Variants in GJC1 observed in about 807,000 individuals in gnomAD.
GJC1 encodes gap junction protein gamma 1, also known as gap junction gamma-1 protein.
In GJC1, 5 loss-of-function variants were observed where a neutral mutation model predicts 29.3. The observed-to-expected ratio is 0.17, with a 90% CI of 0.09 to 0.36. GJC1 has a LOEUF of 0.36. Among genes scored for constraint, GJC1 ranks in the 10% least tolerant of loss-of-function variants. GJC1 has a pLI of 1.00. For missense variants in GJC1, 310 were observed against 496.2 expected, an observed-to-expected ratio of 0.62 and a Z score of 3.56; for synonymous variants, 177 against 183.3, an observed-to-expected ratio of 0.97 and a Z score of 0.28.
chr17:44,825,668 G>C (rs940409734), intron 1 of GJC1, among the ~76,000 whole-genome samples: 2 of 151,806 alleles, frequency 1.3e-5, no homozygotes, highest in South Asian at 2.1e-4. Context: ...CCAGCTTCTC[G>C]CAAGGCTGAG....
At chr17:44,820,154 G>A (rs1254257277) in intron 1 of GJC1, among the ~76,000 whole-genome samples, 1 of 151,992 alleles carries the variant, frequency 6.6e-6, no homozygotes, top group Non-Finnish European at 1.5e-5. Flanking sequence ...TAGAAACAGG[G>A]TTTCACTTTG....
intron 1 of GJC1, among the ~76,000 whole-genome samples, chr17:44,822,419 A>G (rs1407593464): frequency 1.3e-5 from 2 of 151,578 alleles, no homozygotes; most frequent in Non-Finnish European, 2.9e-5. Context: ...AGGCGGGTGG[A>G]TCACCTGAGG....
chr17:44,825,423 T>C (rs1377763302), intron 1 of GJC1, among the ~76,000 whole-genome samples: 1 of 151,004 alleles, frequency 6.6e-6, no homozygotes, highest in African/African-American at 2.4e-5. Flanking sequence ...GGGGCAGAGG[T>C]TGCGGTGAGC....
chr17:44,812,130 T>C (rs956554499), intron 1 of GJC1, among the ~76,000 whole-genome samples: 4 of 151,464 alleles, frequency 2.6e-5, no homozygotes, highest in African/African-American at 9.7e-5. Context: ...CTGGCCAACA[T>C]GATGAAACCC....
intron 1 of GJC1, among the ~76,000 whole-genome samples, chr17:44,822,981 T>C (rs1294619188): frequency 1.3e-5 from 2 of 152,136 alleles, no homozygotes. Context: ...AGTCCAAGAA[T>C]GACTCAAGGG....
chr17:44,820,690 T>G (rs779990045), intron 1 of GJC1, among the ~76,000 whole-genome samples: 1 of 152,194 alleles, frequency 6.6e-6, no homozygotes, highest in Non-Finnish European at 1.5e-5. Context: ...GCATCCCAGC[T>G]CATGAGCTGA....
Position 44,801,051 on chromosome 17 carries a change from G to A in GJC1, c.*3576C>T, listed in dbSNP as rs548826991. ...AGCACTTTGGGAAGCTGAGGTGGGC[G>A]GATCACGAGGTGAGGAGTTCGAGAC... On this transcript the variant is annotated 3_prime_UTR_variant, in exon 3 of 3. Coordinates refer to ENST00000592524, the MANE Select transcript of GJC1 (RefSeq NM_005497.4). 2.0e-5 allele frequency: 3 copies of A among 152,114 alleles called. No homozygotes were observed. The highest frequency in any genetic ancestry group is 2.1e-4 in the South Asian group (1 of 4,806). The allele number at this position is 152,114 out of a possible 1,614,324, so 9.4% of individuals were successfully genotyped here. A position where few individuals can be genotyped will look rare whatever the true frequency, so the allele number is the denominator to read the frequency against.
chr17:44,823,441 G>A (rs552216230), intron 1 of GJC1, among the ~76,000 whole-genome samples: 2 of 151,748 alleles, frequency 1.3e-5, no homozygotes, highest in Admixed American at 6.6e-5. Flanking sequence ...TAGTAGAGAC[G>A]GGGTTTCACC....
chr17:44,804,713 T>C lies in GJC1; in HGVS notation c.1105A>G (p.Lys369Glu). Residue 369 changes from lysine to glutamate, a missense_variant, in exon 3 of 3, where the codon AAG (lysine) becomes GAG (glutamate). By Grantham distance (56) the Lys-to-Glu change is moderately conservative. This residue lies in a region of GJC1 where 146 missense variants were observed against 165.0 expected (regional missense o/e 0.88). Coordinates refer to ENST00000592524, the MANE Select transcript of GJC1 (RefSeq NM_005497.4). ...CCAGCTTTGGACCCCACTTTGGCCT[T>C]CTTCTCCCGGGGACCATGAGGGTTG... ...QNNPHGPREKKAKVGSKAGSN... is the reference protein window; with the variant it reads ...QNNPHGPREKEAKVGSKAGSN... The C allele has an allele frequency of 6.2e-7, 1 of 1,614,186 alleles. No individual in the cohort carries two copies. The highest frequency in any genetic ancestry group is 1.1e-5 in the South Asian group (1 of 91,082).
chr17:44,813,876 T>C (rs983809404), intron 1 of GJC1, among the ~76,000 whole-genome samples: 1 of 152,082 alleles, frequency 6.6e-6, no homozygotes, highest in African/African-American at 2.4e-5. Flanking sequence ...TTGAAAACAT[T>C]AGTCCTCATT....
intron 1 of GJC1, among the ~76,000 whole-genome samples, chr17:44,828,156 G>T (rs1427931124): frequency 3.9e-5 from 6 of 152,100 alleles, no homozygotes; most frequent in Non-Finnish European, 7.4e-5. Context: ...ACAAATATAA[G>T]AATAAAATTT....
chr17:44,813,657 T>A (rs1192094098), intron 1 of GJC1, among the ~76,000 whole-genome samples: 1 of 151,828 alleles, frequency 6.6e-6, no homozygotes, highest in African/African-American at 2.4e-5. Flanking sequence ...CACGCCCAAC[T>A]AATTTTTGTA....
At chr17:44,795,987 G>A (rs528243005), downstream of GJC1, among the ~76,000 whole-genome samples, 2 of 152,304 alleles carry the variant, frequency 1.3e-5, no homozygotes, top group South Asian at 2.1e-4. Flanking sequence ...CCTGGAGTCC[G>A]GCCGCTTGGC....
In GJC1 at chr17:44,823,248, G is replaced by GTTTTTTTTT. The variant is rs10710605; in HGVS notation, c.-97+6805_-97+6813dup. ...CTGAAACCCTATGCATTTCTTTCCT[G>GTTTTTTTTT]TTTTTTTTTTTTTTTTTTTTTTAAG... On this transcript the variant is annotated intron_variant, in intron 1 of 2. Transcript: ENST00000592524. 3.1e-4 allele frequency among the ~76,000 whole-genome samples: 37 copies of GTTTTTTTTT among 117,790 alleles called. 1 individual carries two copies. The highest frequency in any genetic ancestry group is 1.2e-3 in the African/African-American group (37 of 30,164). The allele number at this position is 117,790 out of a possible 152,430, so 77.3% of individuals were successfully genotyped here.
intron 1 of GJC1, among the ~76,000 whole-genome samples, chr17:44,824,808 T>TAAAA (rs11462802): frequency 3.1e-5 from 3 of 95,996 alleles, no homozygotes; most frequent in African/African-American, 1.2e-4. Context: ...AAGACTGTCT[T>TAAAA]AAAAAAAAAA....
At chr17:44,812,256 C>CAGA (rs2049991401) in intron 1 of GJC1, among the ~76,000 whole-genome samples, 1 of 152,056 alleles carries the variant, frequency 6.6e-6, no homozygotes. Context: ...ACCAGGGAGG[C>CAGA]AGAGGCTGCA....
intron 1 of GJC1, among the ~76,000 whole-genome samples, chr17:44,811,245 C>A (rs1012539378): frequency 1.3e-5 from 2 of 151,990 alleles, no homozygotes; most frequent in African/African-American, 4.8e-5. Flanking sequence ...CCACACCCAG[C>A]TAATTTTGTA....
chr17:44,830,345 G>A, upstream of GJC1: 1 of 177,814 alleles, frequency 5.6e-6, no homozygotes, highest in Non-Finnish European at 1.2e-5. This position sits in a 1 kb window ranked among gnomAD's most constrained non-coding sequence, Gnocchi z 4.3. Flanking sequence ...CCCGGGAGCG[G>A]GGGGCGCGCG....
chr17:44,812,089 T>C (rs936681203), intron 1 of GJC1, among the ~76,000 whole-genome samples: 1 of 151,776 alleles, frequency 6.6e-6, no homozygotes, highest in Non-Finnish European at 1.5e-5. Flanking sequence ...CCAAGGCGGA[T>C]GGATCACGAG....
Sources: gnomAD v4.1 joint callset for allele counts (sites outside exome capture counted in the v4.1 genomes callset) on GRCh38, gnomAD v4.1.1 for gene constraint, gnomAD v4.1.1 regional missense constraint, Gnocchi (gnomAD v3.1) non-coding constraint, MANE v1.5 for transcripts, NCBI Gene and HGNC (gene_info 2026-07-23, HGNC 2026-07-21) for gene names.